Variants in PAIP2B observed in about 807,000 individuals in gnomAD.
The protein encoded by PAIP2B is polyadenylate-binding protein-interacting protein 2B.
A neutral mutation model predicts 17.0 loss-of-function variants in PAIP2B; 13 were observed. The ratio of observed to expected loss-of-function variants is 0.76; its 90% CI spans 0.50 to 1.22. The LOEUF (loss-of-function observed/expected upper bound fraction) is 1.22. PAIP2B is among the 50% of genes most tolerant of loss of function. PAIP2B has a pLI of 0.00. For synonymous variants in PAIP2B, 43 were observed against 48.7 expected, an observed-to-expected ratio of 0.88 and a Z score of 0.48; for missense variants, 117 against 144.5, an observed-to-expected ratio of 0.81 and a Z score of 0.98.
intron 2 of PAIP2B, among the ~76,000 whole-genome samples, chr2:71,195,555 T>C (rs548364478): frequency 3.9e-4 from 59 of 152,330 alleles, no homozygotes; most frequent in Middle Eastern, 3.4e-3. Context: ...GTGGGGTCAG[T>C]AGTAACATTC....
chr2:71,225,781 C>G (rs2103839147), intron 1 of PAIP2B, among the ~76,000 whole-genome samples: 1 of 152,284 alleles, frequency 6.6e-6, no homozygotes, highest in East Asian at 1.9e-4. Context: ...AAACATATGG[C>G]TAGAACCGAC....
chr2:71,222,369 C>G (rs2103831579), intron 1 of PAIP2B, among the ~76,000 whole-genome samples: 1 of 152,294 alleles, frequency 6.6e-6, no homozygotes. Flanking sequence ...TCAGGGAGAT[C>G]AATCACCAAG....
chr2:71,204,225 C>T (rs1212768529), intron 1 of PAIP2B, among the ~76,000 whole-genome samples: 2 of 152,134 alleles, frequency 1.3e-5, no homozygotes, highest in African/African-American at 4.8e-5. Context: ...CTCTCTAACT[C>T]ATCTCTCTTC....
intron 1 of PAIP2B, among the ~76,000 whole-genome samples, chr2:71,221,896 C>T (rs1223046759): frequency 6.6e-6 from 1 of 152,142 alleles, no homozygotes; most frequent in Non-Finnish European, 1.5e-5. Flanking sequence ...ATCAGCAGGA[C>T]CCTAAAAGTA....
chr2:71,194,459 TTGTGTGTGTGTG>T (rs141924993), intron 2 of PAIP2B, among the ~76,000 whole-genome samples: 9,812 of 143,464 alleles, frequency 0.068, 351 homozygotes, highest in African/African-American at 0.091. Context: ...TATTCCTAGG[TTGTGTGTGTGTG>T]TGTGTGTGTG....
At chr2:71,212,413 G>T (rs1228335293) in intron 1 of PAIP2B, among the ~76,000 whole-genome samples, 5 of 152,108 alleles carry the variant, frequency 3.3e-5, no homozygotes, top group Non-Finnish European at 7.4e-5. Flanking sequence ...CACCCACCAG[G>T]TCCTTAATAA....
intron 1 of PAIP2B, among the ~76,000 whole-genome samples, chr2:71,210,837 C>G (rs1394525303): frequency 6.6e-6 from 1 of 152,160 alleles, no homozygotes; most frequent in African/African-American, 2.4e-5. Flanking sequence ...AATCTGAAAA[C>G]TGGGATACAG....
chr2:71,199,074 T>G (rs1330911891), intron 2 of PAIP2B, among the ~76,000 whole-genome samples: 1 of 152,212 alleles, frequency 6.6e-6, no homozygotes, highest in Non-Finnish European at 1.5e-5. Flanking sequence ...TTCCCTTCAA[T>G]TTCCACTTTA....
chr2:71,212,053 G>C (rs943383440), intron 1 of PAIP2B, among the ~76,000 whole-genome samples: 2 of 152,046 alleles, frequency 1.3e-5, no homozygotes, highest in African/African-American at 4.8e-5. Flanking sequence ...CTATTAATGG[G>C]GGAAATATTG....
At chr2:71,219,574 T>A (rs1675525472) in intron 1 of PAIP2B, among the ~76,000 whole-genome samples, 2 of 152,226 alleles carry the variant, frequency 1.3e-5, no homozygotes, top group African/African-American at 4.8e-5. Flanking sequence ...CTGGGGCTAC[T>A]CTTCCAATTT....
At chr2:71,220,926 C>T (rs896476724) in intron 1 of PAIP2B, among the ~76,000 whole-genome samples, 3 of 152,214 alleles carry the variant, frequency 2.0e-5, no homozygotes, top group Non-Finnish European at 4.4e-5. Context: ...CATCTGTCTC[C>T]CTTGATTGCT....
chr2:71,207,405 G>C lies in PAIP2B; in HGVS notation c.-11-4805C>G, dbSNP rs1456777874. On this transcript the variant is annotated intron_variant, in intron 1 of 3. Coordinates refer to ENST00000244221, the MANE Select transcript of PAIP2B (RefSeq NM_020459.1). ...GACAAGGAAGAGAGATGAGGTTGGAGAGGCAGGTGGGGCCAGATCAGATCA... is the reference window on the plus strand; with the variant it reads ...GACAAGGAAGAGAGATGAGGTTGGACAGGCAGGTGGGGCCAGATCAGATCA... 2.0e-5 allele frequency among the ~76,000 whole-genome samples: 3 copies of C among 152,160 alleles called. No homozygotes were observed. In the East Asian group the frequency reaches 5.8e-4, roughly 29 times the overall value.
chr2:71,195,656 T>C (rs1674798096), intron 2 of PAIP2B, among the ~76,000 whole-genome samples: 1 of 152,202 alleles, frequency 6.6e-6, no homozygotes, highest in African/African-American at 2.4e-5. Context: ...GTTTTTTTCT[T>C]GAGATGAAGT....
At chr2:71,191,558 T>C (rs914545389) in intron 2 of PAIP2B, among the ~76,000 whole-genome samples, 1 of 152,254 alleles carries the variant, frequency 6.6e-6, no homozygotes, top group Non-Finnish European at 1.5e-5. Flanking sequence ...TTTAAACTTG[T>C]TTCCTTCTTC....
intron 1 of PAIP2B, among the ~76,000 whole-genome samples, chr2:71,223,279 G>A (rs903156357): frequency 6.6e-6 from 1 of 152,050 alleles, no homozygotes; most frequent in Non-Finnish European, 1.5e-5. Context: ...TGGGTGTGGT[G>A]GTGTGAGCCT....
chr2:71,221,838 GTCAGCGCTCTGCAAAATGCGCCAA>G (rs1244449915), intron 1 of PAIP2B, among the ~76,000 whole-genome samples: 2 of 152,160 alleles, frequency 1.3e-5, no homozygotes, highest in East Asian at 1.9e-4. Flanking sequence ...AAATGCACCA[GTCAGCGCTCTGCAAAATGCGCCAA>G]TCAGCGCTCT....
chr2:71,213,089 T>C (rs1247673856), intron 1 of PAIP2B, among the ~76,000 whole-genome samples: 1 of 152,070 alleles, frequency 6.6e-6, no homozygotes, highest in Non-Finnish European at 1.5e-5. Flanking sequence ...ATCTAGAAAA[T>C]TTTGTGTTCT....
chr2:71,220,632 A>G (rs1675559687), intron 1 of PAIP2B, among the ~76,000 whole-genome samples: 2 of 152,250 alleles, frequency 1.3e-5, no homozygotes, highest in Non-Finnish European at 2.9e-5. Flanking sequence ...CAGAGTGCTC[A>G]AATATCACTT....
intron 1 of PAIP2B, among the ~76,000 whole-genome samples, chr2:71,224,226 G>A (rs1675665538): frequency 6.6e-6 from 1 of 152,190 alleles, no homozygotes; most frequent in Admixed American, 6.5e-5. Flanking sequence ...GAGGCCTCAG[G>A]CAAATCGCTT....
Sources: gnomAD v4.1 joint callset for allele counts (sites outside exome capture counted in the v4.1 genomes callset) on GRCh38, gnomAD v4.1.1 for gene constraint, MANE v1.5 for transcripts, NCBI Gene and HGNC (gene_info 2026-07-23, HGNC 2026-07-21) for gene names.